The following NBAS variants were observed in gnomAD, a reference collection of about 807,000 sequenced individuals.
NBAS encodes the protein NAG/BC035112 fusion.
Under a neutral mutation model 302.5 loss-of-function variants are expected in NBAS, and 219 were observed. The ratio of observed to expected loss-of-function variants is 0.72; its 90% CI spans 0.65 to 0.81. NBAS has a LOEUF of 0.81. Ranked by LOEUF, NBAS falls within the 30% of genes least tolerant of loss-of-function variation. The probability of loss-of-function intolerance (pLI) is 0.00; values close to 1 mark genes in which losing one functional copy is unlikely to be tolerated. For synonymous variants in NBAS, 1,118 were observed against 1,021.6 expected (o/e 1.09, Z -1.80); for missense variants, 2,932 against 2,841.6 (o/e 1.03, Z -0.72).
chr2:14,829,417 T>C, the NBAS span, among the ~76,000 whole-genome samples: 1 of 152,150 alleles, frequency 6.6e-6, no homozygotes, highest in Non-Finnish European at 1.5e-5. Context: ...AAAGAATACA[T>C]AGAACAAGGC....
the NBAS span, among the ~76,000 whole-genome samples, chr2:14,797,257 C>G: frequency 2.0e-5 from 3 of 152,202 alleles, no homozygotes. Flanking sequence ...CTTCTCTGCC[C>G]TGCTCGCCCT....
At chr2:15,466,773 A>G (rs1679740721) in intron 19 of NBAS, among the ~76,000 whole-genome samples, 1 of 151,972 alleles carries the variant, frequency 6.6e-6, no homozygotes. Context: ...CCCTGTCTCT[A>G]AAAAAATGCA....
At chr2:15,160,750 T>C in the NBAS span, among the ~76,000 whole-genome samples, 3 of 152,200 alleles carry the variant, frequency 2.0e-5, no homozygotes, top group African/African-American at 7.2e-5. Context: ...GGCGCACAGA[T>C]TGAGCTCAGA....
chr2:15,091,628 G>T, the NBAS span, among the ~76,000 whole-genome samples: 5 of 151,946 alleles, frequency 3.3e-5, 1 homozygote, highest in South Asian at 1.0e-3. Context: ...CACTTCCCGG[G>T]TTCAAGCAAT....
intron 32 of NBAS, among the ~76,000 whole-genome samples, chr2:15,361,955 G>A (rs115572847): frequency 0.028 from 4,142 of 150,150 alleles, 153 homozygotes; most frequent in African/African-American, 0.085. Context: ...ACTCTAGCCC[G>A]AGAAACAGGA....
chr2:15,555,764 C>T (rs1233132828), intron 3 of NBAS, among the ~76,000 whole-genome samples: 1 of 152,160 alleles, frequency 6.6e-6, no homozygotes, highest in Non-Finnish European at 1.5e-5. Context: ...AAGATACCTA[C>T]TTCTGATGCC....
intron 21 of NBAS, among the ~76,000 whole-genome samples, chr2:15,431,059 G>A (rs755310688): frequency 4.0e-5 from 6 of 151,480 alleles, no homozygotes; most frequent in Non-Finnish European, 5.9e-5. Context: ...CACCCACCTC[G>A]GCCTCCCAAA....
At chr2:15,041,669 T>C in the NBAS span, among the ~76,000 whole-genome samples, 1 of 152,154 alleles carries the variant, frequency 6.6e-6, no homozygotes, top group Non-Finnish European at 1.5e-5. Flanking sequence ...GTACTCTTTG[T>C]ACACCAGTTG....
At chr2:15,030,810 C>T in the NBAS span, among the ~76,000 whole-genome samples, 13 of 152,260 alleles carry the variant, frequency 8.5e-5, no homozygotes, top group South Asian at 2.7e-3. Context: ...GCATCCCTGG[C>T]CTCTGCCCAC....
chr2:15,410,385 G>A (rs1401676082), intron 25 of NBAS, among the ~76,000 whole-genome samples: 2 of 152,132 alleles, frequency 1.3e-5, no homozygotes, highest in Non-Finnish European at 2.9e-5. Flanking sequence ...TTTAAGGCTT[G>A]CTGCAACTTC....
the NBAS span, among the ~76,000 whole-genome samples, chr2:14,895,607 C>T: frequency 4.2e-3 from 642 of 152,106 alleles, 5 homozygotes; most frequent in African/African-American, 0.015. Context: ...GGTGTGGTAG[C>T]GGGCGCCTGT....
chr2:15,142,219 A>C, the NBAS span, among the ~76,000 whole-genome samples: 3 of 152,202 alleles, frequency 2.0e-5, no homozygotes, highest in Non-Finnish European at 4.4e-5. Context: ...AATGAGGGGA[A>C]CCGGAAGACA....
intron 42 of NBAS, among the ~76,000 whole-genome samples, chr2:15,281,566 T>C (rs781409050): frequency 5.9e-5 from 9 of 152,200 alleles, no homozygotes; most frequent in Non-Finnish European, 1.3e-4. Flanking sequence ...ACCTAATACA[T>C]ATCAGGTATT....
chr2:14,845,664 C>T, the NBAS span, among the ~76,000 whole-genome samples: 2 of 151,792 alleles, frequency 1.3e-5, no homozygotes, highest in Non-Finnish European at 2.9e-5. Context: ...CAAGATAACG[C>T]AAAGAAGAAA....
At chr2:14,952,902 C>T in the NBAS span, among the ~76,000 whole-genome samples, 15 of 152,300 alleles carry the variant, frequency 9.8e-5, 1 homozygote, top group African/African-American at 3.6e-4. Flanking sequence ...GATATGGTCA[C>T]ACGTAGGAGA....
the NBAS span, among the ~76,000 whole-genome samples, chr2:14,853,812 T>C: frequency 8.1e-6 from 1 of 123,026 alleles, no homozygotes; most frequent in Admixed American, 8.0e-5. Context: ...CTCAGTAAAC[T>C]ATCGCAAGAA....
the NBAS span, among the ~76,000 whole-genome samples, chr2:14,895,275 T>C: frequency 3.3e-5 from 5 of 152,176 alleles, no homozygotes; most frequent in Non-Finnish European, 7.3e-5. Flanking sequence ...TTTTAAACTA[T>C]GTGAATATAT....
the NBAS span, among the ~76,000 whole-genome samples, chr2:15,090,215 A>G: frequency 2.0e-5 from 3 of 152,218 alleles, no homozygotes; most frequent in Non-Finnish European, 4.4e-5. Flanking sequence ...GAACTGGAAC[A>G]AAAAGGTTGT....
At chr2:14,808,780 G>A in the NBAS span, among the ~76,000 whole-genome samples, 2 of 152,230 alleles carry the variant, frequency 1.3e-5, no homozygotes, top group Non-Finnish European at 2.9e-5. Context: ...AGAGGGCTCA[G>A]ATGACAGAAA....
Sources: allele counts gnomAD v4.1 joint callset (sites outside exome capture counted in the v4.1 genomes callset), GRCh38; gene constraint gnomAD v4.1.1; transcripts MANE v1.5; gene names NCBI Gene and HGNC (gene_info 2026-07-23, HGNC 2026-07-21).